The following CNTN6 variants were observed in gnomAD, a reference collection of about 807,000 sequenced individuals.
The protein encoded by CNTN6 is contactin 6, also known as contactin-6.
CNTN6 carries 137 observed loss-of-function variants against 122.8 expected under a neutral mutation model. The ratio of observed to expected loss-of-function variants is 1.12; its 90% CI spans 0.97 to 1.29. The LOEUF (loss-of-function observed/expected upper bound fraction) is 1.29, where lower values mean the gene tolerates loss of function less well. Among genes scored for constraint, CNTN6 ranks in the 50% most tolerant of loss-of-function variants. CNTN6 has a pLI of 0.00. For synonymous variants in CNTN6, 570 were observed against 426.0 expected, an observed-to-expected ratio of 1.34 and a Z score of -4.16; for missense variants, 1,634 against 1,223.4, an observed-to-expected ratio of 1.34 and a Z score of -5.01.
chr3:1,403,386 T>A lies in CNTN6; in HGVS notation c.3055T>A (p.Phe1019Ile), dbSNP rs1433812974. ...TTTTCTTTCCATTGTCATTGTGATT[T>A]TTCACTGTTTTGCTATTCAGCCACT... ...THFLSIVIVI[F>I]HCFAIQPLI Residue 1019 changes from phenylalanine to isoleucine, a missense_variant, in exon 23 of 23, where the codon TTT becomes ATT. Transcript: ENST00000446702. 15 of 1,611,148 alleles carry A rather than the reference T, an allele frequency of 9.3e-6. No homozygotes were observed. The highest frequency in any genetic ancestry group is 1.3e-5 in the African/African-American group (1 of 74,828).
chr3:1,171,417 C>T (rs1037339193), intron 2 of CNTN6, among the ~76,000 whole-genome samples: 4 of 152,188 alleles, frequency 2.6e-5, no homozygotes, highest in Admixed American at 2.0e-4. Flanking sequence ...AATCTCAACA[C>T]TGCTGAGCAG....
chr3:1,098,787 C>CAGATATATATATATATATAT (rs1241583874), intron 1 of CNTN6, among the ~76,000 whole-genome samples: 1 of 55,692 alleles, frequency 1.8e-5, no homozygotes, highest in Non-Finnish European at 2.9e-5. Flanking sequence ...CACACACACA[C>CAGATATATATATATATATAT]ACATATATAT....
intron 10 of CNTN6, among the ~76,000 whole-genome samples, chr3:1,328,223 C>G (rs962361587): frequency 1.5e-4 from 23 of 151,762 alleles, no homozygotes; most frequent in African/African-American, 5.6e-4. Flanking sequence ...ATCCAGACAT[C>G]AAGAGGAGGT....
intron 20 of CNTN6, among the ~76,000 whole-genome samples, chr3:1,396,181 C>T (rs1007096248): frequency 2.6e-5 from 4 of 152,196 alleles, no homozygotes; most frequent in African/African-American, 2.4e-5. Context: ...CTTTCTATAA[C>T]ATTCCTCTTC....
chr3:1,172,138 G>A (rs1211367473), intron 2 of CNTN6, among the ~76,000 whole-genome samples: 2 of 152,128 alleles, frequency 1.3e-5, no homozygotes, highest in African/African-American at 4.8e-5. Context: ...CCTCTTGGAA[G>A]AGTAACTATA....
chr3:1,370,046 C>T (rs918917784), intron 12 of CNTN6, among the ~76,000 whole-genome samples: 1 of 151,880 alleles, frequency 6.6e-6, no homozygotes, highest in Non-Finnish European at 1.5e-5. Context: ...CTTCACCTTG[C>T]TAATGTAACA....
At chr3:1,179,393 A>G (rs1365606829) in intron 2 of CNTN6, among the ~76,000 whole-genome samples, 3 of 152,082 alleles carry the variant, frequency 2.0e-5, no homozygotes, top group Non-Finnish European at 4.4e-5. Context: ...TCACTGTTAG[A>G]TGTCACTGGA....
chr3:1,324,730 T>A (rs1701299954), intron 8 of CNTN6, among the ~76,000 whole-genome samples: 1 of 149,658 alleles, frequency 6.7e-6, no homozygotes, highest in South Asian at 2.1e-4. Context: ...GTGACTACCT[T>A]TTTTTCCTGA....
chr3:1,256,104 C>T (rs1007845423), intron 4 of CNTN6, among the ~76,000 whole-genome samples: 1 of 152,090 alleles, frequency 6.6e-6, no homozygotes, highest in Non-Finnish European at 1.5e-5. Flanking sequence ...CTCCTGGGTT[C>T]AAATGATCCT....
chr3:1,199,175 C>CTTTTTT, intron 2 of CNTN6, among the ~76,000 whole-genome samples: 1 of 124,178 alleles, frequency 8.1e-6, no homozygotes, highest in Non-Finnish European at 1.6e-5. Context: ...ACAATATATG[C>CTTTTTT]TTTTTTTTTT....
chr3:1,127,660 C>G (rs887482225), intron 1 of CNTN6, among the ~76,000 whole-genome samples: 2 of 151,930 alleles, frequency 1.3e-5, no homozygotes, highest in African/African-American at 4.8e-5. Flanking sequence ...TGAATTTTTA[C>G]TTTCTGAATC....
rs867567707 is a variant in CNTN6 at position 1,243,861 on chromosome 3, T to A, written c.358+15868T>A. ...GGGAGGACGGGAAAGGTCAGATGGG[T>A]CTGTAGAAAAGGAAGACTGGGAAGA... On this transcript the variant is annotated intron_variant, in intron 4 of 22. Coordinates refer to ENST00000446702, the MANE Select transcript of CNTN6 (RefSeq NM_001289080.2). Among the ~76,000 whole-genome samples, 33 of 151,612 alleles carry A rather than the reference T, an allele frequency of 2.2e-4. 1 individual carries two copies. Among genetic ancestry groups the A allele is most frequent in the African/African-American group, 7.8e-4 (32 of 41,252 alleles).
Position 1,310,540 on chromosome 3 carries a change from A to G in CNTN6, c.762-11110A>G, listed in dbSNP as rs559360151. Among the ~76,000 whole-genome samples, 295 of 152,222 alleles carry G rather than the reference A, an allele frequency of 1.9e-3. 1 individual carries two copies. Among genetic ancestry groups the G allele is most frequent in the Middle Eastern group, 0.014 (4 of 294 alleles). On this transcript the variant is annotated intron_variant, in intron 7 of 22. Coordinates refer to ENST00000446702, the MANE Select transcript of CNTN6 (RefSeq NM_001289080.2). ...GCTAATATTTGTTGAGGATTTTTCC[A>G]TTTGTATTAATGAAAGATACTGGTC...
Position 1,297,983 on chromosome 3 carries a change from C to T in CNTN6, c.753C>T (p.Ala251=), listed in dbSNP as rs768068845. ...KDSSVKLECF[A]LGNPVPDISW... ...CATCTGTAAAACTGGAATGTTTTGC[C>T]CTTGGAAAGTAAGGTTTTTGTTTTT... The change falls in exon 7 of 23, where the codon GCC becomes GCT. Residue 251 remains alanine, a synonymous_variant. Transcript: ENST00000446702. 2.5e-5 allele frequency: 39 copies of T among 1,588,336 alleles called. No homozygotes were observed. The highest frequency in any genetic ancestry group is 3.2e-5 in the Non-Finnish European group (38 of 1,172,914).
chr3:1,209,143 C>A (rs1416829965), intron 2 of CNTN6, among the ~76,000 whole-genome samples: 1 of 152,162 alleles, frequency 6.6e-6, no homozygotes, highest in Non-Finnish European at 1.5e-5. Context: ...ACATTTTAGG[C>A]AGGTTTAATG....
chr3:1,275,042 C>T (rs1157147480), intron 4 of CNTN6, among the ~76,000 whole-genome samples: 1 of 152,158 alleles, frequency 6.6e-6, no homozygotes, highest in Non-Finnish European at 1.5e-5. Flanking sequence ...ACTCTGCAGT[C>T]CATCTTTTAC....
intron 2 of CNTN6, among the ~76,000 whole-genome samples, chr3:1,170,094 G>A (rs938964609): frequency 5.3e-5 from 8 of 151,854 alleles, no homozygotes; most frequent in Middle Eastern, 3.4e-3. Flanking sequence ...AAAATTAGCC[G>A]GATGTGGTGG....
chr3:1,178,490 T>C (rs1176355655), intron 2 of CNTN6, among the ~76,000 whole-genome samples: 1 of 152,212 alleles, frequency 6.6e-6, no homozygotes, highest in Admixed American at 6.5e-5. Flanking sequence ...TGTTTTCCAG[T>C]AGAGCTTCAA....
chr3:1,373,024 A>G, intron 14 of CNTN6, 69 bp downstream of exon 14: 1 of 887,072 alleles, frequency 1.1e-6, no homozygotes, highest in South Asian at 1.7e-5. Flanking sequence ...TCTAAATTGT[A>G]GACCTCTGAG....
Sources: gnomAD v4.1 joint callset for allele counts (sites outside exome capture counted in the v4.1 genomes callset) on GRCh38, gnomAD v4.1.1 for gene constraint, MANE v1.5 for transcripts, NCBI Gene and HGNC (gene_info 2026-07-23, HGNC 2026-07-21) for gene names.